The following POLI variants were observed in gnomAD, a reference collection of about 807,000 sequenced individuals.
POLI encodes the protein RAD30 homolog B.
Under a neutral mutation model 51.6 loss-of-function variants are expected in POLI, and 58 were observed. That is an observed-to-expected ratio of 1.12 (90% CI 0.91 to 1.40). POLI has a LOEUF of 1.40. Among genes scored for constraint, POLI ranks in the 40% most tolerant of loss-of-function variants. POLI has a pLI of 0.00. For missense variants in POLI, 921 were observed against 871.3 expected, an observed-to-expected ratio of 1.06 and a Z score of -0.72; for synonymous variants, 322 against 299.7, an observed-to-expected ratio of 1.07 and a Z score of -0.77.
Position 54,283,906 on chromosome 18 carries a change from T to G in POLI, c.976-16T>G, listed in dbSNP as rs199783610. 1.8e-3 allele frequency: 1,747 copies of G among 976,106 alleles called. 31 individuals carry two copies. In the South Asian group the frequency reaches 0.024, roughly 13 times the overall value. 60.5% of individuals were successfully genotyped at this position (976,106 alleles called of 1,614,324 possible). A position where few individuals can be genotyped will look rare whatever the true frequency, so the allele number is the denominator to read the frequency against. On this transcript the variant is annotated splice_polypyrimidine_tract_variant and intron_variant, in intron 6 of 9. Coordinates refer to ENST00000579534, the MANE Select transcript of POLI (RefSeq NM_007195.3). ...ATTTGAGTTTGTGCTAATCCTTATT[T>G]ATGCTTCTTTGATAGTCCTTTAGTG...
rs558845645 is a variant in POLI at position 54,309,574 on chromosome 18, G to A, written c.334-10699G>A. 7.9e-5 allele frequency among the ~76,000 whole-genome samples: 12 copies of A among 152,306 alleles called. No homozygotes were observed. The East Asian group carries it at 2.3e-3, about 29-fold the overall frequency. ...AAGAGGCAGTCAGTCCACTCTCAGA[G>A]CTCAAACACCGTGCTGGGAGATGTC... On this transcript the variant is annotated intron_variant, in intron 3 of 4. Transcript: ENST00000579823.
rs1410250230 is a variant in POLI at position 54,293,676 on chromosome 18, T to G, written c.1432T>G (p.Phe478Val). ...AATGAAAGACACTCATATGGAAGAT[T>G]TTCCCAAAGACAAAGAAACAAACCG... is the stretch of plus-strand genomic sequence containing the variant. ...FKMKDTHMED[F>V]PKDKETNRDF... Residue 478 changes from phenylalanine (F) to valine (V), a missense_variant, in exon 10 of 10, where the codon TTT becomes GTT. Transcript: ENST00000579534. The G allele has an allele frequency of 6.3e-7, 1 of 1,581,616 alleles. No individual in the cohort carries two copies. The highest frequency in any genetic ancestry group is 1.2e-5 in the South Asian group (1 of 84,796).
At chr18:54,292,807 G>A (rs1162342259) in intron 9 of POLI, among the ~76,000 whole-genome samples, 1 of 151,928 alleles carries the variant, frequency 6.6e-6, no homozygotes, top group African/African-American at 2.4e-5. Flanking sequence ...ACTTTTTTCT[G>A]TGACCCTTCT....
At chr18:54,287,903 T>G (rs979107644) in intron 8 of POLI, among the ~76,000 whole-genome samples, 1 of 152,218 alleles carries the variant, frequency 6.6e-6, no homozygotes, top group African/African-American at 2.4e-5. Context: ...TAAGAATGTT[T>G]TCCAAGTTCA....
In POLI at chr18:54,296,969, T is replaced by C; in HGVS notation, c.*2502T>C. On this transcript the variant is annotated 3_prime_UTR_variant, in exon 10 of 10. Transcript: ENST00000579534. ...ACTTATTTCCTTGAGTATGTGTTAA[T>C]CTGCGAGAAGACAGAGGGCCTAAAT... 2 of 984,570 alleles carry C rather than the reference T, an allele frequency of 2.0e-6. No individual in the cohort carries two copies. Among genetic ancestry groups the C allele is most frequent in the Non-Finnish European group, 2.4e-6 (2 of 829,142 alleles). The allele number at this position is 984,570 out of a possible 1,614,324, so 61.0% of individuals were successfully genotyped here.
At chr18:54,280,517 A>G (rs1479871843) in intron 4 of POLI, 150 bp from the exon 5 acceptor site, 7 of 616,460 alleles carry the variant, frequency 1.1e-5, no homozygotes, top group South Asian at 9.8e-5. Flanking sequence ...GGAGGGGACA[A>G]ATATCACAAC....
rs185436237 is a variant in POLI at position 54,309,186 on chromosome 18, C to G, written c.334-11087C>G. Among the ~76,000 whole-genome samples, 633 of 152,312 alleles carry G rather than the reference C, an allele frequency of 4.2e-3. 9 individuals carry two copies. The highest frequency in any genetic ancestry group is 0.015 in the African/African-American group (618 of 41,570). ...GTGCTCTGGATTTTAAAATTTTCAG[C>G]TTTTCTGCTCTGGTTTCTCCCCATC... On this transcript the variant is annotated intron_variant, in intron 3 of 4. Transcript: ENST00000579823.
intron 3 of POLI, among the ~76,000 whole-genome samples, chr18:54,316,878 A>G (rs1277983733): frequency 1.3e-5 from 2 of 152,210 alleles, no homozygotes; most frequent in African/African-American, 4.8e-5. Context: ...ATTAGATTAA[A>G]GTACTGTAAG....
At chr18:54,309,920 G>A (rs1056503230) in intron 3 of POLI, among the ~76,000 whole-genome samples, 17 of 152,162 alleles carry the variant, frequency 1.1e-4, no homozygotes, top group African/African-American at 3.9e-4. Context: ...CTCCTGGTGC[G>A]CCGTTTGCTA....
intron 3 of POLI, among the ~76,000 whole-genome samples, chr18:54,312,397 C>A (rs1236193993): frequency 6.6e-6 from 1 of 152,068 alleles, no homozygotes; most frequent in Non-Finnish European, 1.5e-5. Flanking sequence ...TATGTCTTTG[C>A]TCTTGTGAAT....
chr18:54,307,880 T>G (rs1043951369), intron 3 of POLI, among the ~76,000 whole-genome samples: 6 of 151,146 alleles, frequency 4.0e-5, no homozygotes, highest in African/African-American at 1.5e-4. Context: ...AAAGTCTGTT[T>G]TATCAGAGAC....
chr18:54,306,705 G>A (rs1304348521), intron 3 of POLI, among the ~76,000 whole-genome samples: 1 of 152,132 alleles, frequency 6.6e-6, no homozygotes, highest in Non-Finnish European at 1.5e-5. Context: ...ATCTGTTCCT[G>A]GACTTTTTTT....
In POLI at chr18:54,297,282, T is replaced by TTTG. The variant is rs1222589517; in HGVS notation, c.*2824_*2826dup. On this transcript the variant is annotated 3_prime_UTR_variant, in exon 10 of 10. Coordinates refer to ENST00000579534, the MANE Select transcript of POLI (RefSeq NM_007195.3). ...TTTCTTGCTTTTGTTTCAGCTCGAGTTTGTTGTTGTTTTTTTTTTTTCCTG... is the reference window on the plus strand; with the variant it reads ...TTTCTTGCTTTTGTTTCAGCTCGAGTTTGTTGTTGTTGTTTTTTTTTTTTCCTG... The TTTG allele has an allele frequency of 3.0e-6, 3 of 984,968 alleles. No homozygotes were observed. The Admixed American group carries it at 1.8e-4, about 61-fold the overall frequency. 61.0% of individuals were successfully genotyped at this position (984,968 alleles called of 1,614,324 possible). A position where few individuals can be genotyped will look rare whatever the true frequency, so the allele number is the denominator to read the frequency against.
rs1053068562 is a variant in POLI at position 54,294,910 on chromosome 18, T to A, written c.*443T>A. The A allele has an allele frequency of 2.0e-6, 2 of 979,868 alleles. No individual in the cohort carries two copies. Among genetic ancestry groups the A allele is most frequent in the Non-Finnish European group, 2.4e-6 (2 of 825,238 alleles). The allele number at this position is 979,868 out of a possible 1,614,324, so 60.7% of individuals were successfully genotyped here. On this transcript the variant is annotated 3_prime_UTR_variant, in exon 10 of 10. Transcript: ENST00000579534. ...CTACTGCCAACTAACCTATTAAAAA[T>A]ATAGATAGTTTTGACTAAAGTACTA...
chr18:54,294,605 G>T lies in POLI; in HGVS notation c.*138G>T. On this transcript the variant is annotated 3_prime_UTR_variant, in exon 10 of 10. Coordinates refer to ENST00000579534, the MANE Select transcript of POLI (RefSeq NM_007195.3). ...TGTTCCAGATAAAGCAAGAATAGTT[G>T]CAAGAAGTAAATTCTGGCACAAAGC... 1 of 1,295,610 alleles carries T rather than the reference G, an allele frequency of 7.7e-7. No homozygotes were observed. The allele number at this position is 1,295,610 out of a possible 1,614,324, so 80.3% of individuals were successfully genotyped here.
rs181464205 is a variant in POLI at position 54,284,422 on chromosome 18, G to A, written c.1067+409G>A. Among the ~76,000 whole-genome samples, 200 of 152,290 alleles carry A rather than the reference G, an allele frequency of 1.3e-3. 2 individuals are homozygous for A. Among genetic ancestry groups the A allele is most frequent in the South Asian group, 1.9e-3 (9 of 4,826 alleles). ...TTGCATTTCATTAAGTTAGTACCAT[G>A]CTAAATACAAATACATGCGAAATAC... On this transcript the variant is annotated intron_variant, in intron 7 of 9. Transcript: ENST00000579534.
intron 2 of POLI, among the ~76,000 whole-genome samples, chr18:54,272,955 A>G (rs889086602): frequency 1.3e-5 from 2 of 152,170 alleles, no homozygotes; most frequent in African/African-American, 4.8e-5. Flanking sequence ...AACTTTATAT[A>G]AAAATAATGT....
At position 54,285,454 on chromosome 18, in the gene POLI, C is replaced by T. The variant is rs146766991; in HGVS notation, c.1067+1441C>T. On this transcript the variant is annotated intron_variant, in intron 7 of 9. Transcript: ENST00000579534. ...TCCCGGCTCCTTTTCTCCCACACCACGGGCCCTTATTTCAGTGACTGAATT... is the reference window on the plus strand; with the variant it reads ...TCCCGGCTCCTTTTCTCCCACACCATGGGCCCTTATTTCAGTGACTGAATT... Among the ~76,000 whole-genome samples, 95 of 151,834 alleles carry T rather than the reference C, an allele frequency of 6.3e-4. 3 individuals carry two copies. In the East Asian group the frequency reaches 0.014, roughly 22 times the overall value.
intron 6 of POLI, among the ~76,000 whole-genome samples, chr18:54,283,236 G>C: frequency 6.6e-6 from 1 of 152,096 alleles, no homozygotes; most frequent in African/African-American, 2.4e-5. Flanking sequence ...TACTATGATT[G>C]AAGACAGTGC....
Sources: allele counts gnomAD v4.1 joint callset (sites outside exome capture counted in the v4.1 genomes callset), GRCh38; gene constraint gnomAD v4.1.1; transcripts MANE v1.5; gene names NCBI Gene and HGNC (gene_info 2026-07-23, HGNC 2026-07-21).